Variants in MOBP observed in about 807,000 individuals in gnomAD.
The protein encoded by MOBP is myelin-associated oligodendrocyte basic protein.
Under a neutral mutation model 15.0 loss-of-function variants are expected in MOBP, and 5 were observed. The observed-to-expected ratio is 0.33, with a 90% CI of 0.17 to 0.70. The LOEUF is 0.70. Ranked by LOEUF, MOBP falls within the 30% of genes least tolerant of loss-of-function variation. The pLI is 0.67. For synonymous variants in MOBP, 88 were observed against 99.0 expected (o/e 0.89, Z 0.66); for missense variants, 188 against 257.8 (o/e 0.73, Z 1.85).
chr3:39,495,195 T>A lies in MOBP; in HGVS notation c.-4-6871T>A, dbSNP rs534530923. 1.1e-4 allele frequency among the ~76,000 whole-genome samples: 17 copies of A among 152,344 alleles called. No homozygotes were observed. The East Asian group carries it at 3.3e-3, about 29-fold the overall frequency. On this transcript the variant is annotated intron_variant, in intron 2 of 3. Transcript: ENST00000684792. Reference sequence around the variant, plus strand: ...AGGTCATAAAGCAAATTTGAACAACTGTTGGAGTCACTGTCATAGCGACTG... The same window carrying A: ...AGGTCATAAAGCAAATTTGAACAACAGTTGGAGTCACTGTCATAGCGACTG...
downstream of MOBP, among the ~76,000 whole-genome samples, chr3:39,520,948 C>CA (rs2043259040): frequency 1.4e-5 from 2 of 147,580 alleles, no homozygotes. Flanking sequence ...GCTCTATATT[C>CA]TTTTTTTTTT....
Position 39,502,827 on chromosome 3 carries a change from G to A in MOBP, c.499G>A (p.Gly167Arg), listed in dbSNP as rs1486416688. The change falls in exon 4 of 4, where the codon GGG becomes AGG. Residue 167 changes from glycine to arginine, a missense_variant. This residue lies in a region of MOBP where 55 missense variants were observed against 45.2 expected (regional missense o/e 1.22). Transcript: ENST00000684792. This position sits in a 1 kb window ranked among gnomAD's most constrained non-coding sequence, Gnocchi z 6.3. ...ACAGCCGCGCAGCAGCCCCCTCAGA[G>A]GGCCAGGCGCCAGCCGTGGGGGGTC... ...KQQPRSSPLR[G>R]PGASRGGSPV... 9 of 1,524,072 alleles carry A rather than the reference G, an allele frequency of 5.9e-6. No homozygotes were observed. Among genetic ancestry groups the A allele is most frequent in the Non-Finnish European group, 7.9e-6 (9 of 1,138,278 alleles). 94.4% of individuals were successfully genotyped at this position (1,524,072 alleles called of 1,614,324 possible). A position where few individuals can be genotyped will look rare whatever the true frequency, so the allele number is the denominator to read the frequency against.
intron 2 of MOBP, among the ~76,000 whole-genome samples, chr3:39,483,691 C>G (rs951092554): frequency 4.6e-5 from 7 of 152,218 alleles, no homozygotes; most frequent in African/African-American, 1.7e-4. Flanking sequence ...CGTATGTGTA[C>G]ATTCAAAATC....
At chr3:39,520,611 G>A (rs749890670), downstream of MOBP, among the ~76,000 whole-genome samples, 1 of 151,910 alleles carries the variant, frequency 6.6e-6, no homozygotes, top group Non-Finnish European at 1.5e-5. Flanking sequence ...AGAGAGAGAA[G>A]AGAGAGACAG....
chr3:39,514,600 G>A (rs1410707215), exon 5 of MOBP: 1 of 152,376 alleles, frequency 6.6e-6, no homozygotes, highest in Non-Finnish European at 1.5e-5. Context: ...TGGGGGAGAA[G>A]AGAGTTAAGT....
downstream of MOBP, among the ~76,000 whole-genome samples, chr3:39,505,691 G>A (rs1345646584): frequency 6.6e-6 from 1 of 152,162 alleles, no homozygotes; most frequent in Non-Finnish European, 1.5e-5. Flanking sequence ...CTGGTCACAG[G>A]TCCTTACCTG....
chr3:39,508,923 C>T (rs923490135), intron 4 of MOBP, among the ~76,000 whole-genome samples: 1 of 152,104 alleles, frequency 6.6e-6, no homozygotes, highest in African/African-American at 2.4e-5. Flanking sequence ...CCTGGGAAAA[C>T]CCCAGCCTTG....
downstream of MOBP, among the ~76,000 whole-genome samples, chr3:39,505,062 A>G (rs2043031353): frequency 6.6e-6 from 1 of 152,236 alleles, no homozygotes; most frequent in Non-Finnish European, 1.5e-5. Context: ...ATAATATTTG[A>G]TAGGAGGAAA....
downstream of MOBP, among the ~76,000 whole-genome samples, chr3:39,505,110 G>T (rs912591983): frequency 8.5e-5 from 13 of 152,302 alleles, no homozygotes; most frequent in South Asian, 6.2e-4. Flanking sequence ...TGTCCTCCCA[G>T]TTCTAAGATT....
chr3:39,502,945 C>A lies in MOBP; in HGVS notation c.*65C>A. 1.3e-6 allele frequency: 1 copy of A among 750,356 alleles called. No homozygotes were observed. The highest frequency in any genetic ancestry group is 2.1e-6 in the Non-Finnish European group (1 of 471,546). The allele number at this position is 750,356 out of a possible 1,614,324, so 46.5% of individuals were successfully genotyped here. On this transcript the variant is annotated 3_prime_UTR_variant, in exon 4 of 4. Coordinates refer to ENST00000684792, the MANE Select transcript of MOBP (RefSeq NM_001393704.1). The surrounding 1 kb of genome is among the most constrained non-coding windows in gnomAD (Gnocchi z 6.3). ...TAGTTGCTTCCTGTGTTTACTAACACCGGGCTGTCTCCATGGCCCTCTTCA... is the reference window on the plus strand; with the variant it reads ...TAGTTGCTTCCTGTGTTTACTAACAACGGGCTGTCTCCATGGCCCTCTTCA...
chr3:39,523,014 A>G (rs1012146403), intron 3 of MOBP, among the ~76,000 whole-genome samples: 1 of 152,222 alleles, frequency 6.6e-6, no homozygotes, highest in Non-Finnish European at 1.5e-5. Context: ...TGAATTTTGG[A>G]TGCACTGCAG....
chr3:39,520,198 T>G (rs181056376), downstream of MOBP, among the ~76,000 whole-genome samples: 185 of 152,244 alleles, frequency 1.2e-3, 1 homozygote, highest in Middle Eastern at 3.4e-3. Context: ...CCCTGATAAG[T>G]GTGCTGACCC....
At position 39,472,318 on chromosome 3, in the gene MOBP, A is replaced by G. The variant is rs538863046; in HGVS notation, c.-89+4578A>G. ...GGGCAGTTGGTTAACCTATTGTATGATCTTTGTAGTACAGTGAACATATTG... is the reference window on the plus strand; with the variant it reads ...GGGCAGTTGGTTAACCTATTGTATGGTCTTTGTAGTACAGTGAACATATTG... On this transcript the variant is annotated intron_variant, in intron 1 of 3. Transcript: ENST00000684792. 1.1e-3 allele frequency among the ~76,000 whole-genome samples: 175 copies of G among 152,302 alleles called. 5 individuals carry two copies. In the South Asian group the frequency reaches 0.025, roughly 22 times the overall value.
downstream of MOBP, chr3:39,525,761 C>T (rs2043316642): frequency 6.5e-6 from 1 of 152,968 alleles, no homozygotes; most frequent in African/African-American, 2.4e-5. Context: ...AGTGCCACGC[C>T]CCCAGAAAGA....
chr3:39,500,745 C>T (rs562381263), intron 2 of MOBP, among the ~76,000 whole-genome samples: 6 of 152,138 alleles, frequency 3.9e-5, no homozygotes, highest in East Asian at 1.9e-4. Flanking sequence ...CAAAAAGACA[C>T]GGGAGCAGGA....
At chr3:39,516,948 T>C (rs530766148), downstream of MOBP, among the ~76,000 whole-genome samples, 1 of 152,184 alleles carries the variant, frequency 6.6e-6, no homozygotes, top group Non-Finnish European at 1.5e-5. Flanking sequence ...TAGGCTGCTG[T>C]GCTTACACCA....
chr3:39,497,619 T>G (rs908231562), intron 2 of MOBP, among the ~76,000 whole-genome samples: 1 of 152,242 alleles, frequency 6.6e-6, no homozygotes, highest in Non-Finnish European at 1.5e-5. Context: ...TCTGTAGATT[T>G]TCCATCTTTA....
chr3:39,485,787 CCT>C (rs2042697572), intron 2 of MOBP, among the ~76,000 whole-genome samples: 1 of 152,142 alleles, frequency 6.6e-6, no homozygotes, highest in African/African-American at 2.4e-5. Context: ...CGTCATTTCC[CCT>C]GTTTTTGAGG....
At chr3:39,478,692 G>A (rs1227439998) in intron 1 of MOBP, among the ~76,000 whole-genome samples, 2 of 152,086 alleles carry the variant, frequency 1.3e-5, no homozygotes, top group African/African-American at 2.4e-5. Context: ...TTCTCTCAAG[G>A]ATCATAGCCC....
Sources: allele counts gnomAD v4.1 joint callset (sites outside exome capture counted in the v4.1 genomes callset), GRCh38; gene constraint gnomAD v4.1.1; regional missense constraint gnomAD v4.1.1; non-coding constraint Gnocchi (gnomAD v3.1); transcripts MANE v1.5; gene names NCBI Gene and HGNC (gene_info 2026-07-23, HGNC 2026-07-21).